Variants in IMMP2L observed in about 807,000 individuals in gnomAD.
IMMP2L encodes the protein mitochondrial inner membrane protease subunit 2.
IMMP2L carries 18 observed loss-of-function variants against 19.3 expected under a neutral mutation model. The ratio of observed to expected loss-of-function variants is 0.93; its 90% CI spans 0.64 to 1.38. The LOEUF (loss-of-function observed/expected upper bound fraction) is 1.38, where lower values mean the gene tolerates loss of function less well. IMMP2L is among the 40% of genes most tolerant of loss of function. IMMP2L has a pLI of 0.00. For synonymous variants in IMMP2L, 76 were observed against 73.0 expected (o/e 1.04, Z -0.21); for missense variants, 233 against 218.2 (o/e 1.07, Z -0.43).
intron 5 of IMMP2L, among the ~76,000 whole-genome samples, chr7:110,770,198 CTA>C (rs1337873590): frequency 6.6e-6 from 1 of 152,122 alleles, no homozygotes; most frequent in African/African-American, 2.4e-5. Flanking sequence ...CAATAGCAAA[CTA>C]TTTTCTGTAA....
At chr7:111,072,866 G>A (rs11974655) in intron 3 of IMMP2L, among the ~76,000 whole-genome samples, 19,642 of 148,390 alleles carry the variant, frequency 0.13, 1,852 homozygotes, top group African/African-American at 0.26. Flanking sequence ...TTGCACCACT[G>A]CATTCCAGCC....
intron 3 of IMMP2L, among the ~76,000 whole-genome samples, chr7:111,298,161 G>T (rs1821827527): frequency 6.6e-6 from 1 of 152,072 alleles, no homozygotes; most frequent in Admixed American, 6.6e-5. Flanking sequence ...GGAAAAGGAG[G>T]AAAGAACCAA....
chr7:111,088,595 G>GGGCT lies in IMMP2L; in HGVS notation c.240-125034_240-125031dup, dbSNP rs535839420. Among the ~76,000 whole-genome samples, 28 of 152,156 alleles carry GGGCT rather than the reference G, an allele frequency of 1.8e-4. No homozygotes were observed. In the South Asian group the frequency reaches 4.1e-3, roughly 23 times the overall value. On this transcript the variant is annotated intron_variant, in intron 3 of 5. Coordinates refer to ENST00000405709, the MANE Select transcript of IMMP2L (RefSeq NM_032549.4). ...GTGGAAAAAACCTGGAATACCTGAG[G>GGGCT]GGCTCTATCCTGGCTTTAATGTGCC... is the stretch of plus-strand genomic sequence containing the variant.
intron 3 of IMMP2L, among the ~76,000 whole-genome samples, chr7:111,147,204 CTGT>C (rs1457071970): frequency 1.3e-5 from 2 of 152,028 alleles, no homozygotes; most frequent in Admixed American, 6.6e-5. Context: ...GGTCAGGGGG[CTGT>C]TGTTGCTGCC....
At chr7:111,452,567 T>C (rs1304889712) in intron 3 of IMMP2L, among the ~76,000 whole-genome samples, 1 of 152,068 alleles carries the variant, frequency 6.6e-6, no homozygotes, top group Non-Finnish European at 1.5e-5. Flanking sequence ...AAAAAGAAAT[T>C]AAAGGACAAA....
chr7:110,869,478 C>G (rs1381257195), intron 5 of IMMP2L, among the ~76,000 whole-genome samples: 1 of 152,120 alleles, frequency 6.6e-6, no homozygotes, highest in Non-Finnish European at 1.5e-5. Context: ...ATACAACCCA[C>G]TTCCTCAGGC....
chr7:110,712,934 G>A (rs1015828049), intron 5 of IMMP2L, among the ~76,000 whole-genome samples: 14 of 149,150 alleles, frequency 9.4e-5, no homozygotes, highest in Admixed American at 2.0e-4. Flanking sequence ...AGATGAACCC[G>A]GTACCTCAGA....
At chr7:111,120,361 A>C (rs1800441979) in intron 3 of IMMP2L, among the ~76,000 whole-genome samples, 1 of 152,108 alleles carries the variant, frequency 6.6e-6, no homozygotes, top group Non-Finnish European at 1.5e-5. Context: ...GGCAGGCAAG[A>C]GAGAATGAGA....
intron 3 of IMMP2L, among the ~76,000 whole-genome samples, chr7:111,167,889 C>T (rs1325885293): frequency 1.3e-5 from 2 of 151,852 alleles, no homozygotes; most frequent in East Asian, 1.9e-4. Context: ...TTTCATGAAC[C>T]GGAATAATAC....
chr7:110,895,331 C>T (rs1001344093), intron 4 of IMMP2L, among the ~76,000 whole-genome samples: 2 of 152,164 alleles, frequency 1.3e-5, no homozygotes, highest in Non-Finnish European at 2.9e-5. Flanking sequence ...GGTGGGAACA[C>T]AGCCAAACCA....
chr7:111,167,174 C>T (rs1805915048), intron 3 of IMMP2L, among the ~76,000 whole-genome samples: 1 of 151,970 alleles, frequency 6.6e-6, no homozygotes, highest in Non-Finnish European at 1.5e-5. Flanking sequence ...GGGACTTGAT[C>T]TGACCACGTC....
chr7:111,432,251 T>C (rs1441785200), intron 3 of IMMP2L, among the ~76,000 whole-genome samples: 2 of 151,778 alleles, frequency 1.3e-5, no homozygotes, highest in East Asian at 3.9e-4. Flanking sequence ...ACACATATGG[T>C]CACAGCAGTC....
intron 3 of IMMP2L, among the ~76,000 whole-genome samples, chr7:111,078,164 C>G (rs1795574001): frequency 6.6e-6 from 1 of 152,172 alleles, no homozygotes; most frequent in Non-Finnish European, 1.5e-5. Context: ...AAAACAGTGA[C>G]TTTATTTTTC....
intron 3 of IMMP2L, among the ~76,000 whole-genome samples, chr7:111,007,980 C>T (rs1229343958): frequency 6.6e-6 from 1 of 152,116 alleles, no homozygotes. Flanking sequence ...CTCTTACCCA[C>T]ATCTAATTTA....
At chr7:111,091,659 T>C (rs1563232206) in intron 3 of IMMP2L, among the ~76,000 whole-genome samples, 1 of 152,172 alleles carries the variant, frequency 6.6e-6, no homozygotes, top group Non-Finnish European at 1.5e-5. Flanking sequence ...GAAATTCACA[T>C]GCAAAACCCA....
chr7:111,112,729 A>G (rs1435451773), intron 3 of IMMP2L, among the ~76,000 whole-genome samples: 1 of 152,182 alleles, frequency 6.6e-6, no homozygotes. Flanking sequence ...AAATAGACAA[A>G]CAATCCCATG....
At chr7:111,008,073 T>A (rs965019572) in intron 3 of IMMP2L, among the ~76,000 whole-genome samples, 12 of 152,134 alleles carry the variant, frequency 7.9e-5, no homozygotes, top group Non-Finnish European at 1.8e-4. Context: ...GTCTGAGCTA[T>A]AACCATGTAT....
At chr7:110,826,886 A>C (rs970890611) in intron 5 of IMMP2L, among the ~76,000 whole-genome samples, 1 of 151,962 alleles carries the variant, frequency 6.6e-6, no homozygotes, top group Non-Finnish European at 1.5e-5. Context: ...AAAAGTTAAT[A>C]ATTTTACTCC....
chr7:110,893,049 T>A (rs1419269971), intron 4 of IMMP2L, among the ~76,000 whole-genome samples: 1 of 152,140 alleles, frequency 6.6e-6, no homozygotes, highest in South Asian at 2.1e-4. Flanking sequence ...GCAGACCACC[T>A]CAATCAATAA....
Sources: gnomAD v4.1 joint callset for allele counts (sites outside exome capture counted in the v4.1 genomes callset) on GRCh38, gnomAD v4.1.1 for gene constraint, MANE v1.5 for transcripts, NCBI Gene and HGNC (gene_info 2026-07-23, HGNC 2026-07-21) for gene names.